Variants in LRRC37A2 observed in about 807,000 individuals in gnomAD.
The protein encoded by LRRC37A2 is leucine-rich repeat-containing protein 37A2.
LRRC37A2 carries 9 observed loss-of-function variants against 68.8 expected under a neutral mutation model. That is an observed-to-expected ratio of 0.13 (90% CI 0.08 to 0.23). The LOEUF is 0.23. LRRC37A2 is among the 10% of genes least tolerant of loss of function. The pLI is 1.00. For missense variants in LRRC37A2, 168 were observed against 950.4 expected (o/e 0.18, Z 10.82); for synonymous variants, 63 against 367.6 (o/e 0.17, Z 9.48).
At chr17:46,492,445 GT>G in the LRRC37A2 span, among the ~76,000 whole-genome samples, 2 of 150,766 alleles carry the variant, frequency 1.3e-5, no homozygotes, top group African/African-American at 2.5e-5. Context: ...ATTATTTCTA[GT>G]TTGTGGCAGC....
chr17:46,703,933 C>T, the LRRC37A2 span, among the ~76,000 whole-genome samples: 1 of 150,640 alleles, frequency 6.6e-6, no homozygotes, highest in East Asian at 2.0e-4. Context: ...ATATCAGCTA[C>T]TCCAGGAACC....
the LRRC37A2 span, chr17:46,978,393 C>A: frequency 7.1e-4 from 313 of 439,198 alleles, 1 homozygote; most frequent in Admixed American, 2.2e-3. Flanking sequence ...AACAAACAAA[C>A]AAAAAAAACT....
At chr17:46,872,670 C>T in the LRRC37A2 span, 9 of 1,613,694 alleles carry the variant, frequency 5.6e-6, no homozygotes, top group South Asian at 7.7e-5. Flanking sequence ...TGGCTGAGAC[C>T]CTGAGGGATG....
chr17:46,865,641 G>A, the LRRC37A2 span, among the ~76,000 whole-genome samples: 1 of 152,050 alleles, frequency 6.6e-6, no homozygotes, highest in African/African-American at 2.4e-5. Flanking sequence ...TGTGTGACAG[G>A]GTCTCACTCT....
chr17:46,931,586 A>C, the LRRC37A2 span: 1 of 314,632 alleles, frequency 3.2e-6, no homozygotes, highest in Non-Finnish European at 5.9e-6. Context: ...CAATCAGTCC[A>C]CCCATAATGA....
the LRRC37A2 span, among the ~76,000 whole-genome samples, chr17:46,962,726 A>G: frequency 6.6e-6 from 1 of 152,212 alleles, no homozygotes; most frequent in African/African-American, 2.4e-5. Context: ...AAGTCCTTGA[A>G]GGTTGCAGTT....
At chr17:47,022,196 G>GTT in the LRRC37A2 span, among the ~76,000 whole-genome samples, 5 of 19,208 alleles carry the variant, frequency 2.6e-4, no homozygotes, top group African/African-American at 5.0e-4. Flanking sequence ...CCAGAGACAG[G>GTT]TTCTTACTTT....
the LRRC37A2 span, among the ~76,000 whole-genome samples, chr17:46,860,880 A>T: frequency 2.0e-5 from 3 of 152,078 alleles, no homozygotes; most frequent in South Asian, 6.2e-4. Flanking sequence ...TTTTAGAGAG[A>T]TAGGTTCCTG....
At chr17:46,834,996 CCTT>C in the LRRC37A2 span, among the ~76,000 whole-genome samples, 21 of 144,914 alleles carry the variant, frequency 1.4e-4, no homozygotes, top group Admixed American at 6.7e-4. Context: ...TTCTCCTTCT[CCTT>C]CTTCTTCTTT....
chr17:46,731,089 G>A, the LRRC37A2 span, among the ~76,000 whole-genome samples: 27 of 152,026 alleles, frequency 1.8e-4, no homozygotes, highest in Admixed American at 6.6e-5. Flanking sequence ...ATTCATAGCA[G>A]CATTATTCAT....
At chr17:46,714,352 G>A in the LRRC37A2 span, among the ~76,000 whole-genome samples, 1 of 152,214 alleles carries the variant, frequency 6.6e-6, no homozygotes, top group Admixed American at 6.5e-5. Context: ...TGAACTCTTT[G>A]GGGTCAATTA....
the LRRC37A2 span, among the ~76,000 whole-genome samples, chr17:47,001,162 G>C: frequency 6.6e-6 from 1 of 152,110 alleles, no homozygotes; most frequent in South Asian, 2.1e-4. Flanking sequence ...GCGTAATAAG[G>C]AGCCAGAGAC....
At chr17:46,726,585 G>A in the LRRC37A2 span, 1 of 1,614,006 alleles carries the variant, frequency 6.2e-7, no homozygotes, top group Non-Finnish European at 8.5e-7. Context: ...GCTCAGTTGT[G>A]TGGTTGTGGA....
the LRRC37A2 span, chr17:46,872,891 T>C: frequency 1.7e-5 from 21 of 1,235,966 alleles, no homozygotes; most frequent in African/African-American, 2.7e-4. Context: ...CACACTGCCC[T>C]TCCTGCCCTA....
At chr17:46,720,300 CTG>C in the LRRC37A2 span, among the ~76,000 whole-genome samples, 3 of 152,272 alleles carry the variant, frequency 2.0e-5, no homozygotes, top group Admixed American at 6.5e-5. Context: ...GTTCAATACA[CTG>C]TGTCTTTTGG....
chr17:46,797,566 C>G, the LRRC37A2 span, among the ~76,000 whole-genome samples: 4 of 152,220 alleles, frequency 2.6e-5, no homozygotes, highest in Non-Finnish European at 5.9e-5. Context: ...ATGGGCACAA[C>G]CTCTTTGGAA....
At chr17:46,780,056 C>T in the LRRC37A2 span, among the ~76,000 whole-genome samples, 1 of 152,214 alleles carries the variant, frequency 6.6e-6, no homozygotes, top group African/African-American at 2.4e-5. Context: ...CATGCCTGGC[C>T]ATAGAGAACA....
the LRRC37A2 span, among the ~76,000 whole-genome samples, chr17:46,887,751 G>A: frequency 2.6e-5 from 4 of 151,046 alleles, no homozygotes; most frequent in Non-Finnish European, 2.9e-5. Context: ...GCGACATAGC[G>A]AGACTCCCTG....
At chr17:46,955,196 A>G in the LRRC37A2 span, among the ~76,000 whole-genome samples, 1 of 151,958 alleles carries the variant, frequency 6.6e-6, no homozygotes, top group Non-Finnish European at 1.5e-5. Context: ...TCCCATCAAT[A>G]CCTAATTTAT....
Sources: allele counts gnomAD v4.1 joint callset (sites outside exome capture counted in the v4.1 genomes callset), GRCh38; gene constraint gnomAD v4.1.1; transcripts MANE v1.5; gene names NCBI Gene and HGNC (gene_info 2026-07-23, HGNC 2026-07-21).